The following SLC2A7 variants were observed in gnomAD, a reference collection of about 807,000 sequenced individuals.
The protein encoded by SLC2A7 is solute carrier family 2 member 7, also known as solute carrier family 2, facilitated glucose transporter member 7.
SLC2A7 carries 50 observed loss-of-function variants against 50.5 expected under a neutral mutation model. The ratio of observed to expected loss-of-function variants is 0.99; its 90% CI spans 0.79 to 1.25. The LOEUF is 1.25. SLC2A7 is among the 50% of genes most tolerant of loss of function. The pLI is 0.00. For synonymous variants in SLC2A7, 308 were observed against 300.4 expected (o/e 1.03, Z -0.26); for missense variants, 683 against 679.1 (o/e 1.01, Z -0.06).
intron 8 of SLC2A7, among the ~76,000 whole-genome samples, chr1:9,011,746 CTTTTTTTTTTTT>C (rs34758810): frequency 3.2e-5 from 3 of 93,230 alleles, no homozygotes; most frequent in Non-Finnish European, 6.0e-5. Flanking sequence ...TCTTCTTCTT[CTTTTTTTTTTTT>C]TTTTTTTTTT....
intron 4 of SLC2A7, 55 bp downstream of exon 4, chr1:9,019,154 C>T (rs958244754): frequency 2.5e-5 from 40 of 1,580,836 alleles, no homozygotes; most frequent in African/African-American, 1.4e-5. Context: ...TGCTTCCAGC[C>T]TTGGCCAAAC....
At chr1:9,022,544 G>A (rs1337990645) in intron 3 of SLC2A7, among the ~76,000 whole-genome samples, 2 of 152,156 alleles carry the variant, frequency 1.3e-5, no homozygotes, top group African/African-American at 2.4e-5. Flanking sequence ...AGAGGCTGCA[G>A]CGCTTAGAAC....
chr1:9,007,534 A>G, intron 9 of SLC2A7, 149 bp from the exon 10 acceptor site: 1 of 695,078 alleles, frequency 1.4e-6, no homozygotes. Context: ...TGTGGGCAAG[A>G]GAGGAAGGCC....
chr1:9,024,438 G>A (rs182458810), intron 2 of SLC2A7, among the ~76,000 whole-genome samples: 345 of 152,274 alleles, frequency 2.3e-3, no homozygotes, highest in Non-Finnish European at 3.9e-3. Flanking sequence ...AAGCATAGAC[G>A]TATACCAAGG....
chr1:9,005,781 CA>C (rs75636224), intron 10 of SLC2A7, among the ~76,000 whole-genome samples: 1,882 of 42,626 alleles, frequency 0.044, 29 homozygotes, highest in African/African-American at 0.11. Context: ...GACTCCAACT[CA>C]AAAAAAAAAA....
At chr1:9,018,601 C>T (rs1640867057) in intron 4 of SLC2A7, among the ~76,000 whole-genome samples, 1 of 152,234 alleles carries the variant, frequency 6.6e-6, no homozygotes, top group African/African-American at 2.4e-5. Context: ...AGACCTTTTC[C>T]TTTCTAGCCA....
intron 2 of SLC2A7, among the ~76,000 whole-genome samples, chr1:9,023,333 C>T (rs1569810872): frequency 6.6e-6 from 1 of 152,168 alleles, no homozygotes; most frequent in East Asian, 1.9e-4. Context: ...TTTGGCCGGA[C>T]GCAGTGGCTC....
In SLC2A7 at chr1:9,014,789, G is replaced by A. The variant is rs750624529; in HGVS notation, c.795C>T (p.Ala265=). The A allele has an allele frequency of 7.5e-5, 120 of 1,600,530 alleles. 1 individual carries two copies. The South Asian group carries it at 9.3e-4, about 12-fold the overall frequency. The change falls in exon 7 of 12, where the codon GCC becomes GCT. Residue 265 remains alanine, a synonymous_variant. Transcript: ENST00000400906. The part of the protein sequence containing the change: ...DMRAEARAER[A]EGHLSVLHLC... ...GGTGCAGCACAGACAGGTGGCCCTC[G>A]GCGCGCTCGGCCCGGGCCTCCGCAC...
intron 10 of SLC2A7, among the ~76,000 whole-genome samples, chr1:9,006,896 G>C (rs1161267349): frequency 6.6e-6 from 1 of 152,208 alleles, no homozygotes; most frequent in Non-Finnish European, 1.5e-5. Flanking sequence ...AGGGACTGTA[G>C]CTGGCAGTCA....
chr1:9,010,612 C>T (rs1037672590), intron 8 of SLC2A7, among the ~76,000 whole-genome samples: 2 of 152,168 alleles, frequency 1.3e-5, no homozygotes, highest in African/African-American at 2.4e-5. Context: ...CCTGCCTCGG[C>T]CTCCCAAAGT....
At chr1:9,016,001 G>A (rs1043555134) in intron 5 of SLC2A7, among the ~76,000 whole-genome samples, 5 of 152,030 alleles carry the variant, frequency 3.3e-5, no homozygotes, top group Non-Finnish European at 7.4e-5. Flanking sequence ...AAAATGCTGG[G>A]CATGAGCCAC....
At chr1:9,010,484 A>G (rs1270002752) in intron 8 of SLC2A7, among the ~76,000 whole-genome samples, 2 of 152,026 alleles carry the variant, frequency 1.3e-5, no homozygotes, top group African/African-American at 4.8e-5. Context: ...TCAGCTCCCA[A>G]GTAGCTGGGA....
At chr1:9,002,732 T>C (rs1358166956), downstream of SLC2A7, among the ~76,000 whole-genome samples, 1 of 152,214 alleles carries the variant, frequency 6.6e-6, no homozygotes, top group African/African-American at 2.4e-5. Context: ...TTTGTCTCTG[T>C]GTCTTATTTC....
chr1:9,014,560 T>G (rs1216600840), intron 7 of SLC2A7, 121 bp downstream of exon 7: 3 of 1,227,588 alleles, frequency 2.4e-6, no homozygotes, highest in Non-Finnish European at 3.4e-6. Flanking sequence ...CATCTGGCTC[T>G]GCCTGGACTG....
At chr1:9,003,551 C>T in intron 11 of SLC2A7, 33 bp from the exon 12 acceptor site, 1 of 1,586,740 alleles carries the variant, frequency 6.3e-7, no homozygotes, top group Non-Finnish European at 8.6e-7. Flanking sequence ...CAGGAGGGGG[C>T]AGAGAAAGGC....
At position 9,004,764 on chromosome 1, in the gene SLC2A7, G is replaced by A. The variant is rs144243716; in HGVS notation, c.1308C>T (p.Phe436=). 1 of 1,614,058 alleles carries A rather than the reference G, an allele frequency of 6.2e-7. No homozygotes were observed. The highest frequency in any genetic ancestry group is 1.3e-5 in the African/African-American group (1 of 75,040). ...WLTNFIIGFL[F]PSIQEAIGAY... ...GGCCCTCACTCACCTGGATGGATGG[G>A]AACAGGAAGCCTATGATGAAGTTGG... Residue 436 remains phenylalanine (F), a synonymous_variant, in exon 11 of 12, where the codon TTC becomes TTT. Transcript: ENST00000400906.
At chr1:9,000,448 A>C (rs1043729157), downstream of SLC2A7, among the ~76,000 whole-genome samples, 1 of 151,928 alleles carries the variant, frequency 6.6e-6, no homozygotes, top group African/African-American at 2.4e-5. Context: ...GTAAAACCCC[A>C]TCTCTACTAA....
In SLC2A7 at chr1:9,003,431, T is replaced by G. The variant is rs150218356; in HGVS notation, c.1408A>C (p.Lys470Gln). 83 of 1,614,224 alleles carry G rather than the reference T, an allele frequency of 5.1e-5. No individual in the cohort carries two copies. In the African/African-American group the frequency reaches 1.1e-3, roughly 20 times the overall value. Residue 470 changes from lysine to glutamine, a missense_variant, in exon 12 of 12, where the codon AAG becomes CAG. Lys to Gln is a moderately conservative substitution (Grantham distance 53). Coordinates refer to ENST00000400906, the MANE Select transcript of SLC2A7 (RefSeq NM_207420.3). ...IYIYVVIPET[K>Q]GKTFVEINRI... ...TTTATCTCCACAAATGTTTTGCCCTTGGTCTCCGGAATAACCACGTAGATG... is the reference window on the plus strand; with the variant it reads ...TTTATCTCCACAAATGTTTTGCCCTGGGTCTCCGGAATAACCACGTAGATG...
In SLC2A7 at chr1:9,014,831, G is replaced by C; in HGVS notation, c.753C>G (p.Ala251=). The C allele has an allele frequency of 6.2e-7, 1 of 1,605,018 alleles. No individual in the cohort carries two copies. The highest frequency in any genetic ancestry group is 8.5e-7 in the Non-Finnish European group (1 of 1,176,628). The change falls in exon 7 of 12, where the codon GCC becomes GCG. Residue 251 remains alanine (A), a synonymous_variant. Coordinates refer to ENST00000400906, the MANE Select transcript of SLC2A7 (RefSeq NM_207420.3). ...CCTCCGCACGCATGTCCTCCAGCTC[G>C]GCCTCCATGTCCGTGTGGCCTCTCA... The part of the protein sequence containing the change: ...RRLRGHTDME[A]ELEDMRAEAR...
Sources: allele counts gnomAD v4.1 joint callset (sites outside exome capture counted in the v4.1 genomes callset), GRCh38; gene constraint gnomAD v4.1.1; transcripts MANE v1.5; gene names NCBI Gene and HGNC (gene_info 2026-07-23, HGNC 2026-07-21).